SLC2A6: variants seen among roughly 807,000 people sequenced by gnomAD.
SLC2A6 encodes solute carrier family 2, facilitated glucose transporter member 6.
SLC2A6 carries 39 observed loss-of-function variants against 47.8 expected under a neutral mutation model. That is an observed-to-expected ratio of 0.82 (90% CI 0.63 to 1.07). SLC2A6 has a LOEUF of 1.07. SLC2A6 is among the 50% of genes least tolerant of loss of function. The pLI, the probability that SLC2A6 is intolerant of heterozygous loss-of-function variation, is 0.00. For synonymous variants in SLC2A6, 346 were observed against 324.1 expected, an observed-to-expected ratio of 1.07 and a Z score of -0.73; for missense variants, 650 against 707.6, an observed-to-expected ratio of 0.92 and a Z score of 0.92.
chr9:133,473,270 G>GGC lies in SLC2A6; in HGVS notation c.1223-21_1223-20insGC. On this transcript the variant is annotated intron_variant, in intron 8 of 9. Transcript: ENST00000371899. ...CGTAGCCTGCTCGGAGGAGGAGGCA[G>GGC]GTTCAGGCCCTGTGGGGTGACTGGA... 6.4e-7 allele frequency: 1 copy of GGC among 1,558,298 alleles called. No individual in the cohort carries two copies. Among genetic ancestry groups the GGC allele is most frequent in the Non-Finnish European group, 8.7e-7 (1 of 1,151,614 alleles).
chr9:133,473,466 C>A lies in SLC2A6; in HGVS notation c.1171G>T (p.Ala391Ser). The change falls in exon 8 of 10, where the codon GCT becomes TCT. Residue 391 changes from alanine to serine, a missense_variant. By Grantham distance (99) the Ala-to-Ser change is moderately conservative (BLOSUM62 1). Transcript: ENST00000371899. ...AGGGGCACCAGGGTGAGGTAGCCAG[C>A]GGGTGCTGCCAGGGGCTGCGCCAAG... is the stretch of plus-strand genomic sequence containing the variant. ...GDLAQPLAAPAGYLTLVPLLA... is the reference protein window; with the variant it reads ...GDLAQPLAAPSGYLTLVPLLA... The A allele has an allele frequency of 1.2e-6, 2 of 1,605,354 alleles. No individual in the cohort carries two copies. The highest frequency in any genetic ancestry group is 1.7e-6 in the Non-Finnish European group (2 of 1,177,300).
rs1338464510 is a variant in SLC2A6 at position 133,472,999 on chromosome 9, GAGTT to G, written c.1368+102_1368+105del. ...TGTGCTCATCTCCTAGGGTCACTGA[GAGTT>G]AGGGTCCTGACAGCAGGCCTTGGCA... is the stretch of plus-strand genomic sequence containing the variant. On this transcript the variant is annotated intron_variant, in intron 9 of 9. Coordinates refer to ENST00000371899, the MANE Select transcript of SLC2A6 (RefSeq NM_017585.4). 164 of 1,255,298 alleles carry G rather than the reference GAGTT, an allele frequency of 1.3e-4. No homozygotes were observed. In the Admixed American group the frequency reaches 1.3e-3, roughly 10 times the overall value. 77.8% of individuals were successfully genotyped at this position (1,255,298 alleles called of 1,614,324 possible).
At position 133,473,269 on chromosome 9, in the gene SLC2A6, A is replaced by C. The variant is rs1554802215; in HGVS notation, c.1223-19T>G. ...GCGTAGCCTGCTCGGAGGAGGAGGCAGGTTCAGGCCCTGTGGGGTGACTGG... is the reference window on the plus strand; with the variant it reads ...GCGTAGCCTGCTCGGAGGAGGAGGCCGGTTCAGGCCCTGTGGGGTGACTGG... On this transcript the variant is annotated intron_variant, in intron 8 of 9. Coordinates refer to ENST00000371899, the MANE Select transcript of SLC2A6 (RefSeq NM_017585.4). 6.4e-7 allele frequency: 1 copy of C among 1,558,798 alleles called. No homozygotes were observed. Among genetic ancestry groups the C allele is most frequent in the Middle Eastern group, 1.8e-4 (1 of 5,594 alleles).
intron 7 of SLC2A6, 42 bp downstream of exon 7, chr9:133,473,938 T>G (rs1554802441): frequency 6.8e-7 from 1 of 1,471,882 alleles, no homozygotes; most frequent in South Asian, 1.2e-5. Context: ...CCCTGACCCA[T>G]GCGGAGGAGT....
At chr9:133,477,267 G>C (rs1843993585) in intron 2 of SLC2A6, 26 bp from the exon 3 acceptor site, 1 of 1,547,508 alleles carries the variant, frequency 6.5e-7, no homozygotes, top group Admixed American at 2.0e-5. Flanking sequence ...GTGCAGGGCA[G>C]ATATGTCTGG....
At position 133,475,450 on chromosome 9, in the gene SLC2A6, C is replaced by A. The variant is rs28477580; in HGVS notation, c.724G>T (p.Val242Phe). 1,413 of 1,611,644 alleles carry A rather than the reference C, an allele frequency of 8.8e-4. 13 individuals are homozygous for A. In the East Asian group the frequency reaches 0.015, roughly 17 times the overall value. Residue 242 changes from valine to phenylalanine, a missense_variant, in exon 5 of 10, where the codon GTC becomes TTC. Transcript: ENST00000371899. ...TGCTCGAACTCCCAGTGGACATCGA[C>A]GTCCGTCCCACGCAGCCAGGCCAGC... The part of the protein sequence containing the change: ...RALAWLRGTD[V>F]DVHWEFEQIQ...
rs782293914 is a variant in SLC2A6 at position 133,475,622 on chromosome 9, G to A, written c.563-11C>T. The A allele has an allele frequency of 2.5e-6, 4 of 1,571,528 alleles. No individual in the cohort carries two copies. The highest frequency in any genetic ancestry group is 2.6e-6 in the Non-Finnish European group (3 of 1,161,196). On this transcript the variant is annotated splice_polypyrimidine_tract_variant and intron_variant, in intron 4 of 9. Transcript: ENST00000371899. ...ACGGCAGCAGGAGGCCTGGGGGCGAGGGGTGGGTGAGGGGCCAGGTCCAGG... is the reference window on the plus strand; with the variant it reads ...ACGGCAGCAGGAGGCCTGGGGGCGAAGGGTGGGTGAGGGGCCAGGTCCAGG...
chr9:133,474,880 C>T, intron 6 of SLC2A6, 81 bp downstream of exon 6: 1 of 1,384,422 alleles, frequency 7.2e-7, no homozygotes, highest in Non-Finnish European at 9.5e-7. Context: ...TGGGTAAGTG[C>T]AGGAGCAGGC....
rs1843979535 is a variant in SLC2A6 at position 133,477,023 on chromosome 9, G to A, written c.462+12C>T. 6.5e-7 allele frequency: 1 copy of A among 1,547,410 alleles called. No homozygotes were observed. Among genetic ancestry groups the A allele is most frequent in the Non-Finnish European group, 8.7e-7 (1 of 1,146,450 alleles). On this transcript the variant is annotated intron_variant, in intron 3 of 9. Coordinates refer to ENST00000371899, the MANE Select transcript of SLC2A6 (RefSeq NM_017585.4). The stretch of plus-strand genomic sequence containing the variant: ...GGCATTGGGGCGCCTGGGTGGGAAG[G>A]CCTGGCCTTACCGGGATGCAGGCAG...
rs1554803674 is a variant in SLC2A6, at chr9:133,477,217, C to T, written c.280G>A (p.Ala94Thr). The T allele has an allele frequency of 2.6e-6, 4 of 1,550,884 alleles. No homozygotes were observed. The highest frequency in any genetic ancestry group is 1.7e-4 in the Middle Eastern group (1 of 5,940). The change falls in exon 3 of 10, where the codon GCC becomes ACC. Residue 94 changes from alanine (A) to threonine (T), a missense_variant. Ala to Thr is a moderately conservative substitution (Grantham distance 58, BLOSUM62 0). Coordinates refer to ENST00000371899, the MANE Select transcript of SLC2A6 (RefSeq NM_017585.4). ...FGSVFTLGAAAGGLSAMILND... is the reference protein window; with the variant it reads ...FGSVFTLGAATGGLSAMILND... ...AGGATCATGGCACTCAGGCCTCCGG[C>T]CGCTGCTCCCAGGGTGAACACGGAC...
At position 133,476,319 on chromosome 9, in the gene SLC2A6, A is replaced by G; in HGVS notation, c.480T>C (p.Ile160=). The change falls in exon 4 of 10, where the codon ATT becomes ATC. Residue 160 remains isoleucine, a synonymous_variant. Transcript: ENST00000371899. ...GAGCCCCACGAACGCCTGGGGGAGC[A>G]ATCTCAGACACGTACACCTGCAAGA... ...AACIPVYVSE[I]APPGVRGALG... 6.2e-7 allele frequency: 1 copy of G among 1,612,996 alleles called. No homozygotes were observed. Among genetic ancestry groups the G allele is most frequent in the Non-Finnish European group, 8.5e-7 (1 of 1,179,946 alleles).
intron 2 of SLC2A6, among the ~76,000 whole-genome samples, chr9:133,477,897 C>T (rs369927601): frequency 1.1e-4 from 17 of 152,354 alleles, no homozygotes; most frequent in African/African-American, 3.8e-4. Context: ...ATCTGTCCTG[C>T]GGACTCTCCT....
Position 133,472,108 on chromosome 9 carries a change from T to C in SLC2A6, c.1437A>G (p.Thr479=), listed in dbSNP as rs1554801694. ...AAICLVSLVF[T]GCCVPETKGR... ...CCTTGGTCTCGGGCACACAGCAGCCTGTGAACACCAGGCTCACCAAGCAGA... is the reference window on the plus strand; with the variant it reads ...CCTTGGTCTCGGGCACACAGCAGCCCGTGAACACCAGGCTCACCAAGCAGA... Residue 479 remains threonine (T), a synonymous_variant, in exon 10 of 10, where the codon ACA becomes ACG. Transcript: ENST00000371899. 6.2e-7 allele frequency: 1 copy of C among 1,613,456 alleles called. No individual in the cohort carries two copies. Among genetic ancestry groups the C allele is most frequent in the East Asian group, 2.2e-5 (1 of 44,856 alleles).
chr9:133,478,614 G>T, intron 1 of SLC2A6, 198 bp from the exon 2 acceptor site: 2 of 631,478 alleles, frequency 3.2e-6, no homozygotes, highest in African/African-American at 1.8e-5. Flanking sequence ...ATCCGCAGTG[G>T]CTGAGCCTCT....
chr9:133,478,914 G>C (rs1554804099), intron 1 of SLC2A6, 54 bp downstream of exon 1: 2 of 1,479,690 alleles, frequency 1.4e-6, no homozygotes, highest in African/African-American at 2.9e-5. Flanking sequence ...CGGCTGGAGG[G>C]AACCAGGGCC....
intron 1 of SLC2A6, 114 bp downstream of exon 1, chr9:133,478,835 ACAGGAGGGAGCCAGATGGC>A (rs1217027797): frequency 6.8e-6 from 5 of 733,632 alleles, no homozygotes; most frequent in African/African-American, 1.9e-5. Context: ...CGTGTCTGGG[ACAGGAGGGAGCCAGATGGC>A]CCCTCGGTGG....
At chr9:133,472,495 G>T (rs1445071645) in intron 9 of SLC2A6, among the ~76,000 whole-genome samples, 2 of 152,112 alleles carry the variant, frequency 1.3e-5, no homozygotes, top group Admixed American at 6.5e-5. Flanking sequence ...GCCTGCAGGA[G>T]GCCCGCCCTG....
rs782752927 is a variant in SLC2A6, at chr9:133,474,965, A to C, written c.923T>G (p.Leu308Arg). 1 of 1,550,998 alleles carries C rather than the reference A, an allele frequency of 6.4e-7. No homozygotes were observed. Among genetic ancestry groups the C allele is most frequent in the South Asian group, 1.2e-5 (1 of 82,592 alleles). Residue 308 changes from leucine (L) to arginine (R), a missense_variant, in exon 6 of 10, where the codon CTG becomes CGG. Transcript: ENST00000371899. ...LQSIFDSTAV[L>R]LPPKDDAAIV... ...CGGCCGGGGCTGGGCTCTCACCAGC[A>C]GGACAGCGGTGCTGTCGAAGATGGA...
intron 7 of SLC2A6, 176 bp downstream of exon 7, chr9:133,473,804 G>T: frequency 1.3e-6 from 1 of 743,328 alleles, no homozygotes; most frequent in Non-Finnish European, 2.1e-6. Flanking sequence ...TCCACTCGGA[G>T]CCCCAGCGGA....
Sources: allele counts gnomAD v4.1 joint callset (sites outside exome capture counted in the v4.1 genomes callset), GRCh38; gene constraint gnomAD v4.1.1; transcripts MANE v1.5; gene names NCBI Gene and HGNC (gene_info 2026-07-23, HGNC 2026-07-21).